Variants in RASA2 observed in about 807,000 individuals in gnomAD.
RASA2 encodes the protein ras GTPase-activating protein 2.
Under a neutral mutation model 118.2 loss-of-function variants are expected in RASA2, and 155 were observed. The observed-to-expected ratio is 1.31, with a 90% CI of 1.15 to 1.50. The LOEUF (loss-of-function observed/expected upper bound fraction) is 1.50. Ranked by LOEUF, RASA2 falls within the 40% of genes most tolerant of loss-of-function variation. The probability of loss-of-function intolerance (pLI) is 0.00; values close to 1 mark genes in which losing one functional copy is unlikely to be tolerated. For synonymous variants in RASA2, 353 were observed against 349.1 expected, an observed-to-expected ratio of 1.01 and a Z score of -0.12; for missense variants, 1,016 against 1,009.6, an observed-to-expected ratio of 1.01 and a Z score of -0.09.
chr3:141,579,070 T>C (rs969711881), intron 15 of RASA2, among the ~76,000 whole-genome samples: 2 of 152,184 alleles, frequency 1.3e-5, no homozygotes, highest in African/African-American at 4.8e-5. Context: ...TTACCTTATA[T>C]TCTGGTCATC....
chr3:141,592,854 G>C (rs2083308158), intron 19 of RASA2, among the ~76,000 whole-genome samples: 1 of 151,294 alleles, frequency 6.6e-6, no homozygotes, highest in Non-Finnish European at 1.5e-5. Flanking sequence ...GAAAATGATG[G>C]AGTCAGTATA....
intron 17 of RASA2, 114 bp from the exon 18 acceptor site, chr3:141,585,911 G>A (rs2083193991): frequency 1.5e-6 from 1 of 669,794 alleles, no homozygotes; most frequent in Admixed American, 3.4e-5. Flanking sequence ...ACTATTATGT[G>A]TATTCATTAA....
At chr3:141,584,330 C>CAAA (rs56396460) in intron 17 of RASA2, among the ~76,000 whole-genome samples, 60 of 60,602 alleles carry the variant, frequency 9.9e-4, no homozygotes, top group Non-Finnish European at 1.6e-3. Context: ...AACTCCATCC[C>CAAA]AAAAAAAAAA....
At chr3:141,600,696 C>T (rs77166082) in intron 19 of RASA2, 2,426 of 154,132 alleles carry the variant, frequency 0.016, 62 homozygotes, top group African/African-American at 0.055. Context: ...CTTTGATCTG[C>T]CTTTTAGATA....
intron 1 of RASA2, among the ~76,000 whole-genome samples, chr3:141,511,950 T>C (rs949077389): frequency 6.6e-6 from 1 of 151,930 alleles, no homozygotes; most frequent in African/African-American, 2.4e-5. Context: ...TTACGTAATA[T>C]AAAAAAGGGA....
At chr3:141,563,784 G>GTA (rs1560035292) in intron 9 of RASA2, among the ~76,000 whole-genome samples, 1 of 152,140 alleles carries the variant, frequency 6.6e-6, no homozygotes, top group African/African-American at 2.4e-5. Flanking sequence ...CCAGTGTACT[G>GTA]TAAGTTTGAA....
At chr3:141,609,268 A>G (rs1397024009) in intron 21 of RASA2, 152 bp from the exon 22 acceptor site, 1 of 476,522 alleles carries the variant, frequency 2.1e-6, no homozygotes, top group Admixed American at 3.9e-5. Context: ...CCTTGGCCCC[A>G]CTTTATTTTA....
intron 2 of RASA2, 95 bp from the exon 3 acceptor site, chr3:141,516,233 A>G (rs929617089): frequency 2.4e-6 from 2 of 825,254 alleles, no homozygotes; most frequent in African/African-American, 3.7e-5. Flanking sequence ...AGAAAGTGAT[A>G]TTATTTGAGT....
intron 4 of RASA2, among the ~76,000 whole-genome samples, chr3:141,533,083 C>T (rs563057661): frequency 1.3e-5 from 2 of 152,264 alleles, no homozygotes; most frequent in East Asian, 3.9e-4. Context: ...TAAATCTACT[C>T]CAGTCTCTTT....
intron 1 of RASA2, among the ~76,000 whole-genome samples, chr3:141,505,743 T>C (rs914750525): frequency 1.3e-5 from 2 of 151,196 alleles, no homozygotes; most frequent in African/African-American, 4.9e-5. Context: ...AGGGATGTTT[T>C]ATTTATATTT....
intron 3 of RASA2, among the ~76,000 whole-genome samples, chr3:141,524,562 A>G (rs1028165482): frequency 6.6e-6 from 1 of 151,972 alleles, no homozygotes; most frequent in Non-Finnish European, 1.5e-5. Context: ...ATTTTTCTAT[A>G]GACAGTAATA....
chr3:141,543,811 G>A (rs765649297), intron 5 of RASA2, among the ~76,000 whole-genome samples: 9 of 149,946 alleles, frequency 6.0e-5, no homozygotes, highest in Admixed American at 1.3e-4. Flanking sequence ...TTTTTCTCTG[G>A]CTTCTTTTAA....
At position 141,581,089 on chromosome 3, in the gene RASA2, T is replaced by G; in HGVS notation, c.1675-11T>G. ...TTAACACATATAAACCCTGTGTTTG[T>G]TTTTTCTTAGTCAAGTTTCAAAGAG... On this transcript the variant is annotated splice_polypyrimidine_tract_variant and intron_variant, in intron 16 of 23. Coordinates refer to ENST00000286364, the MANE Select transcript of RASA2 (RefSeq NM_006506.5). The G allele has an allele frequency of 2.0e-6, 3 of 1,517,436 alleles. No individual in the cohort carries two copies. The highest frequency in any genetic ancestry group is 2.6e-6 in the Non-Finnish European group (3 of 1,140,984). The allele number at this position is 1,517,436 out of a possible 1,614,324, so 94.0% of individuals were successfully genotyped here. A position where few individuals can be genotyped will look rare whatever the true frequency, so the allele number is the denominator to read the frequency against.
chr3:141,540,699 G>T, intron 5 of RASA2, 90 bp downstream of exon 5: 1 of 1,142,598 alleles, frequency 8.8e-7, no homozygotes, highest in South Asian at 1.4e-5. Flanking sequence ...TTTAACTTCA[G>T]AAACTTTTTT....
At position 141,577,904 on chromosome 3, in the gene RASA2, T is replaced by C. The variant is rs1251233446; in HGVS notation, c.1590+798T>C. The stretch of plus-strand genomic sequence containing the variant: ...TGCATAGATTTACATGTTTATTTCT[T>C]AATTTTTAAAATTCTTTATTTTTGC... On this transcript the variant is annotated intron_variant, in intron 15 of 23. Transcript: ENST00000286364. Among the ~76,000 whole-genome samples, 5 of 152,338 alleles carry C rather than the reference T, an allele frequency of 3.3e-5. No homozygotes were observed. The East Asian group carries it at 9.6e-4, about 29-fold the overall frequency.
intron 2 of RASA2, among the ~76,000 whole-genome samples, chr3:141,512,740 G>A (rs767677716): frequency 1.3e-5 from 2 of 152,140 alleles, no homozygotes; most frequent in African/African-American, 4.8e-5. Flanking sequence ...GTGCAGAGTT[G>A]TGCTGAGAAT....
intron 5 of RASA2, among the ~76,000 whole-genome samples, chr3:141,544,261 A>T (rs1369841210): frequency 6.6e-6 from 1 of 152,180 alleles, no homozygotes. Flanking sequence ...GGGTTCGCTC[A>T]GCTTCTTGAC....
Position 141,608,565 on chromosome 3 carries a change from A to G in RASA2, c.2093A>G (p.Asp698Gly). 1 of 1,613,986 alleles carries G rather than the reference A, an allele frequency of 6.2e-7. No homozygotes were observed. The highest frequency in any genetic ancestry group is 8.5e-7 in the Non-Finnish European group (1 of 1,179,916). Residue 698 changes from aspartate to glycine, a missense_variant, in exon 21 of 24, where the codon GAC (aspartate) becomes GGC (glycine). This residue lies in a region of RASA2 where 896 missense variants were observed against 836.4 expected (regional missense o/e 1.07). Coordinates refer to ENST00000286364, the MANE Select transcript of RASA2 (RefSeq NM_006506.5). ...TGTGTAGAAGCTAATGAATGGATAGACGTACTCTGCAGGGTGAGCCGATGC... is the reference window on the plus strand; with the variant it reads ...TGTGTAGAAGCTAATGAATGGATAGGCGTACTCTGCAGGGTGAGCCGATGC... ...NNCVEANEWI[D>G]VLCRVSRCNQ...
intron 5 of RASA2, among the ~76,000 whole-genome samples, chr3:141,547,926 C>T (rs948692718): frequency 1.3e-5 from 2 of 152,110 alleles, no homozygotes; most frequent in African/African-American, 2.4e-5. Context: ...TACTTTTTGG[C>T]ATCAGTTGAA....
Sources: gnomAD v4.1 joint callset for allele counts (sites outside exome capture counted in the v4.1 genomes callset) on GRCh38, gnomAD v4.1.1 for gene constraint, gnomAD v4.1.1 regional missense constraint, MANE v1.5 for transcripts, NCBI Gene and HGNC (gene_info 2026-07-23, HGNC 2026-07-21) for gene names.